The following MAST4 variants were observed in gnomAD, a reference collection of about 807,000 sequenced individuals.
The protein encoded by MAST4 is microtubule associated serine/threonine kinase family member 4, also known as microtubule-associated serine/threonine-protein kinase 4.
MAST4 carries 89 observed loss-of-function variants against 162.7 expected under a neutral mutation model. The ratio of observed to expected loss-of-function variants is 0.55; its 90% CI spans 0.46 to 0.65. MAST4 has a LOEUF of 0.65. Ranked by LOEUF, MAST4 falls within the 30% of genes least tolerant of loss-of-function variation. MAST4 has a pLI of 0.00. For missense variants in MAST4, 3,153 were observed against 3,374.0 expected (o/e 0.93, Z 1.62); for synonymous variants, 1,479 against 1,361.1 (o/e 1.09, Z -1.91).
intron 1 of MAST4, among the ~76,000 whole-genome samples, chr5:66,618,995 A>G (rs1743900864): frequency 6.6e-6 from 1 of 152,216 alleles, no homozygotes; most frequent in South Asian, 2.1e-4. Context: ...TTTCTTGGCA[A>G]CGCACTAAAT....
chr5:67,155,995 G>A (rs1344585327), intron 26 of MAST4, among the ~76,000 whole-genome samples: 2 of 151,266 alleles, frequency 1.3e-5, no homozygotes, highest in African/African-American at 4.9e-5. Flanking sequence ...GGAGGCGGAG[G>A]TTGCAGTGGG....
At chr5:66,606,373 T>A (rs1212832901) in intron 1 of MAST4, among the ~76,000 whole-genome samples, 4 of 152,212 alleles carry the variant, frequency 2.6e-5, no homozygotes, top group South Asian at 4.1e-4. Context: ...TATTTTTTTT[T>A]AAATAATTGG....
intron 3 of MAST4, among the ~76,000 whole-genome samples, chr5:66,820,540 AAT>A (rs796257956): frequency 6.9e-4 from 105 of 152,328 alleles, no homozygotes; most frequent in African/African-American, 2.3e-3. Context: ...TAATTGAAAA[AAT>A]ATATATTGGA....
At chr5:67,098,264 C>T (rs896293675) in intron 7 of MAST4, among the ~76,000 whole-genome samples, 12 of 152,040 alleles carry the variant, frequency 7.9e-5, no homozygotes, top group African/African-American at 1.2e-4. Context: ...ATGCTATATT[C>T]GGAAATTTGA....
intron 1 of MAST4, among the ~76,000 whole-genome samples, chr5:66,678,426 A>G (rs185583657): frequency 8.5e-5 from 13 of 152,240 alleles, no homozygotes; most frequent in African/African-American, 2.9e-4. Context: ...ATCCTCACAC[A>G]CACAAGTGTG....
chr5:66,786,793 G>C (rs1235839026), intron 2 of MAST4, among the ~76,000 whole-genome samples: 4 of 152,188 alleles, frequency 2.6e-5, no homozygotes, highest in African/African-American at 9.7e-5. Context: ...AAATATGTCT[G>C]AATGTTTTTG....
In MAST4 at chr5:66,892,920, G is replaced by A. The variant is rs188646055; in HGVS notation, c.643-7031G>A. Among the ~76,000 whole-genome samples, 321 of 152,240 alleles carry A rather than the reference G, an allele frequency of 2.1e-3. 1 individual carries two copies. Among genetic ancestry groups the A allele is most frequent in the African/African-American group, 7.2e-3 (300 of 41,540 alleles). On this transcript the variant is annotated intron_variant, in intron 3 of 28. Transcript: ENST00000403625. ...TGATTTTGTGATGAAGCTTATAGAC[G>A]CAGTTTATGATAAAATCTTAATAAA...
In MAST4 at chr5:67,099,506, A is replaced by T. The variant is rs568070879; in HGVS notation, c.913-929A>T. Among the ~76,000 whole-genome samples, 1,506 of 152,304 alleles carry T rather than the reference A, an allele frequency of 9.9e-3. 17 individuals carry two copies. The highest frequency in any genetic ancestry group is 0.035 in the African/African-American group (1,451 of 41,568). On this transcript the variant is annotated intron_variant, in intron 7 of 28. Transcript: ENST00000403625. The stretch of plus-strand genomic sequence containing the variant: ...ACTCTTAATATAATGATTTTTAAAA[A>T]AAATGCTTACTAGAACTGACATTTT...
intron 1 of MAST4, among the ~76,000 whole-genome samples, chr5:66,742,346 T>C (rs1411305374): frequency 2.6e-5 from 4 of 152,180 alleles, no homozygotes; most frequent in Non-Finnish European, 5.9e-5. Context: ...TTCTTGTGTA[T>C]TGGTGTGTTT....
chr5:66,819,398 C>CA (rs1376889501), intron 3 of MAST4, among the ~76,000 whole-genome samples: 1 of 152,128 alleles, frequency 6.6e-6, no homozygotes, highest in Middle Eastern at 3.2e-3. Context: ...AGCTTGTGGT[C>CA]AAAATCTCAG....
At position 67,163,662 on chromosome 5, in the gene MAST4, G is replaced by T; in HGVS notation, c.4483G>T (p.Asp1495Tyr). ...GCAGAGCCTGGATGAGAACGTGTGC[G>T]ACGTGCCGCCGCTCAGCCGCGCCCG... ...PLQSLDENVC[D>Y]VPPLSRARPV... Residue 1495 changes from aspartate to tyrosine, a missense_variant, in exon 29 of 29, where the codon GAC becomes TAC. Physicochemically the swap from Asp to Tyr is radical, Grantham distance 160. This residue lies in a region of MAST4 where 1,644 missense variants were observed against 1,495.0 expected (regional missense o/e 1.10). Coordinates refer to ENST00000403625, the MANE Select transcript of MAST4 (RefSeq NM_001164664.2). This position sits in a 1 kb window ranked among gnomAD's most constrained non-coding sequence, Gnocchi z 7.0. The T allele has an allele frequency of 6.2e-7, 1 of 1,608,256 alleles. No individual in the cohort carries two copies. The highest frequency in any genetic ancestry group is 1.7e-4 in the Middle Eastern group (1 of 6,046).
At chr5:66,778,766 T>C (rs1754717025) in intron 2 of MAST4, among the ~76,000 whole-genome samples, 1 of 152,206 alleles carries the variant, frequency 6.6e-6, no homozygotes, top group Admixed American at 6.5e-5. Context: ...AAATTATTCT[T>C]AACACTGCAG....
chr5:66,695,708 G>T (rs1749356934), intron 1 of MAST4, among the ~76,000 whole-genome samples: 1 of 152,138 alleles, frequency 6.6e-6, no homozygotes. Context: ...AACAACAGAT[G>T]CTGGCAAGGC....
chr5:66,986,549 C>G, intron 4 of MAST4: 3 of 1,345,544 alleles, frequency 2.2e-6, no homozygotes, highest in Non-Finnish European at 3.0e-6. Context: ...AGTACTTTCT[C>G]TCTGTCTTTC....
chr5:67,130,429 CG>C lies in MAST4; in HGVS notation c.1954+13del, dbSNP rs1561694011. On this transcript the variant is annotated intron_variant, in intron 15 of 28. Coordinates refer to ENST00000403625, the MANE Select transcript of MAST4 (RefSeq NM_001164664.2). Reference sequence around the variant, plus strand: ...TGGAATATGTGGAAGGTATCTGACACGGAAAACATGACACCTGTACCCAGGA... The same window carrying C: ...TGGAATATGTGGAAGGTATCTGACACGAAAACATGACACCTGTACCCAGGA... The C allele has an allele frequency of 1.2e-6, 2 of 1,612,658 alleles. No homozygotes were observed. The highest frequency in any genetic ancestry group is 1.7e-6 in the Non-Finnish European group (2 of 1,179,132).
chr5:66,970,419 T>C (rs1747288775), intron 4 of MAST4, among the ~76,000 whole-genome samples: 1 of 152,208 alleles, frequency 6.6e-6, no homozygotes, highest in African/African-American at 2.4e-5. Context: ...TCATCTTCTA[T>C]AAACTTGCAG....
chr5:67,167,441 T>C lies in MAST4; in HGVS notation c.*390T>C, dbSNP rs1774185062. ...TTTAAATAAGATTTTTGCTTTACCA[T>C]TTATCATAATGTAGTAATGAAGCAA... is the stretch of plus-strand genomic sequence containing the variant. On this transcript the variant is annotated 3_prime_UTR_variant, in exon 29 of 29. Coordinates refer to ENST00000403625, the MANE Select transcript of MAST4 (RefSeq NM_001164664.2). 6.2e-6 allele frequency: 1 copy of C among 160,054 alleles called. No individual in the cohort carries two copies. The highest frequency in any genetic ancestry group is 2.4e-5 in the African/African-American group (1 of 41,790). The allele number at this position is 160,054 out of a possible 1,614,324, so 9.9% of individuals were successfully genotyped here. A position where few individuals can be genotyped will look rare whatever the true frequency, so the allele number is the denominator to read the frequency against.
intron 7 of MAST4, among the ~76,000 whole-genome samples, chr5:67,097,943 T>G (rs1400625630): frequency 1.3e-5 from 2 of 152,116 alleles, no homozygotes; most frequent in African/African-American, 4.8e-5. Flanking sequence ...TCTTTAAATA[T>G]TAGGGCAAAA....
chr5:66,702,703 G>A (rs1474580726), intron 1 of MAST4, among the ~76,000 whole-genome samples: 2 of 152,146 alleles, frequency 1.3e-5, no homozygotes, highest in Non-Finnish European at 2.9e-5. Context: ...GAACAGGCAA[G>A]AAAGGAAGGG....
Sources: gnomAD v4.1 joint callset for allele counts (sites outside exome capture counted in the v4.1 genomes callset) on GRCh38, gnomAD v4.1.1 for gene constraint, gnomAD v4.1.1 regional missense constraint, Gnocchi (gnomAD v3.1) non-coding constraint, MANE v1.5 for transcripts, NCBI Gene and HGNC (gene_info 2026-07-23, HGNC 2026-07-21) for gene names.